PSMA8: variants seen among roughly 807,000 people sequenced by gnomAD.
The protein encoded by PSMA8 is proteasome subunit alpha-type 8.
In PSMA8, 18 loss-of-function variants were observed where a neutral mutation model predicts 32.4. The ratio of observed to expected loss-of-function variants is 0.56; its 90% confidence interval spans 0.38 to 0.82. The LOEUF is 0.82. PSMA8 is among the 40% of genes least tolerant of loss of function. PSMA8 has a pLI of 0.00. For missense variants in PSMA8, 298 were observed against 300.7 expected, an observed-to-expected ratio of 0.99 and a Z score of 0.07; for synonymous variants, 104 against 98.1, an observed-to-expected ratio of 1.06 and a Z score of -0.36.
intron 6 of PSMA8, among the ~76,000 whole-genome samples, chr18:26,179,641 C>A (rs2055293921): frequency 6.6e-6 from 1 of 152,118 alleles, no homozygotes; most frequent in Non-Finnish European, 1.5e-5. Context: ...TGATAGAGGA[C>A]CCACTGGCTA....
At chr18:26,144,906 GC>G (rs1396845512) in intron 2 of PSMA8, among the ~76,000 whole-genome samples, 1 of 152,106 alleles carries the variant, frequency 6.6e-6, no homozygotes, top group Non-Finnish European at 1.5e-5. Context: ...AATTTAGGTA[GC>G]TATTTTCTTT....
intron 1 of PSMA8, among the ~76,000 whole-genome samples, chr18:26,135,013 A>G (rs940352210): frequency 3.9e-5 from 6 of 152,120 alleles, no homozygotes; most frequent in African/African-American, 1.2e-4. Flanking sequence ...GTAGAGGCTC[A>G]AAAGTCCAAG....
At chr18:26,190,123 A>C (rs1320934413) in intron 6 of PSMA8, among the ~76,000 whole-genome samples, 1 of 152,210 alleles carries the variant, frequency 6.6e-6, no homozygotes, top group Non-Finnish European at 1.5e-5. Context: ...TACAGAGTAG[A>C]AGGATGGTTA....
chr18:26,145,455 A>C (rs1479453197), intron 2 of PSMA8, among the ~76,000 whole-genome samples: 1 of 152,106 alleles, frequency 6.6e-6, no homozygotes, highest in Non-Finnish European at 1.5e-5. Context: ...ACATATGTAG[A>C]TTCATGTAGT....
chr18:26,143,491 TA>T (rs754516961), intron 1 of PSMA8, among the ~76,000 whole-genome samples: 62 of 152,182 alleles, frequency 4.1e-4, no homozygotes, highest in Non-Finnish European at 7.6e-4. Context: ...TATTATAAAA[TA>T]AAAATTTATA....
chr18:26,151,736 C>A, intron 2 of PSMA8, 122 bp from the exon 3 acceptor site: 3 of 777,992 alleles, frequency 3.9e-6, no homozygotes, highest in East Asian at 2.8e-5. Flanking sequence ...TTAAAATGAG[C>A]ATGTATTGAG....
rs1555662071 is a variant in PSMA8, at chr18:26,163,213, G to GTATGTA, written c.477+4972_477+4973insGTATAT. ...AGGTGGTGTGTGTTTATGTGTGTGT[G>GTATGTA]TATATATATATATATATATATATAT... On this transcript the variant is annotated intron_variant, in intron 4 of 6. Coordinates refer to ENST00000415576, the MANE Select transcript of PSMA8 (RefSeq NM_001025096.2). Among the ~76,000 whole-genome samples, 98 of 80,884 alleles carry GTATGTA rather than the reference G, an allele frequency of 1.2e-3. 4 individuals carry two copies. Among genetic ancestry groups the GTATGTA allele is most frequent in the African/African-American group, 4.5e-3 (88 of 19,368 alleles). The allele number at this position is 80,884 out of a possible 152,430, so 53.1% of individuals were successfully genotyped here.
chr18:26,147,875 A>G (rs966336607), intron 2 of PSMA8, among the ~76,000 whole-genome samples: 1 of 152,192 alleles, frequency 6.6e-6, no homozygotes, highest in African/African-American at 2.4e-5. Context: ...AGAAGGGGAC[A>G]TTAGTGCCAG....
intron 1 of PSMA8, among the ~76,000 whole-genome samples, chr18:26,142,136 T>A (rs915796483): frequency 6.7e-6 from 1 of 148,772 alleles, no homozygotes; most frequent in Non-Finnish European, 1.5e-5. Context: ...TCCTCCCAGG[T>A]TCACGCCATT....
chr18:26,182,233 T>C (rs1255668652), intron 6 of PSMA8, among the ~76,000 whole-genome samples: 1 of 152,240 alleles, frequency 6.6e-6, no homozygotes, highest in East Asian at 1.9e-4. Flanking sequence ...GACATTTATC[T>C]TCAGTGAAGG....
intron 6 of PSMA8, among the ~76,000 whole-genome samples, chr18:26,183,252 C>T (rs1211906450): frequency 2.7e-5 from 4 of 146,374 alleles, no homozygotes; most frequent in Non-Finnish European, 3.0e-5. Context: ...ATTAGCTGGG[C>T]GTGGTGGTGG....
In PSMA8 at chr18:26,192,904, TTTG is replaced by T. The variant is rs1241609097; in HGVS notation, c.*496_*498del. On this transcript the variant is annotated 3_prime_UTR_variant, in exon 7 of 7. Transcript: ENST00000415576. ...CAGAGCCTTCTTCATTTTACAATAT[TTTG>T]TTATTTTTATTTTACCTTTTTCATT... The T allele has an allele frequency of 6.6e-6, 1 of 152,298 alleles. No homozygotes were observed. Among genetic ancestry groups the T allele is most frequent in the African/African-American group, 2.4e-5 (1 of 41,586 alleles). 9.4% of individuals were successfully genotyped at this position (152,298 alleles called of 1,614,324 possible).
rs2054891597 is a variant in PSMA8 at position 26,134,340 on chromosome 18, G to GTGT, written c.102+273_102+274insTGT. 3.2e-3 allele frequency among the ~76,000 whole-genome samples: 439 copies of GTGT among 135,192 alleles called. 1 individual carries two copies. The highest frequency in any genetic ancestry group is 0.014 in the African/African-American group (425 of 30,150). The allele number at this position is 135,192 out of a possible 152,430, so 88.7% of individuals were successfully genotyped here. A position where few individuals can be genotyped will look rare whatever the true frequency, so the allele number is the denominator to read the frequency against. On this transcript the variant is annotated intron_variant, in intron 1 of 6. Transcript: ENST00000415576. ...GACGCAAAACTAGGGTGTGTGTGTG[G>GTGT]GTGTGTGTGTGTGTGTGTGTGTGTC...
chr18:26,179,224 G>T, intron 6 of PSMA8, 94 bp downstream of exon 6: 2 of 819,500 alleles, frequency 2.4e-6, no homozygotes. Context: ...CCGATATAAT[G>T]TTATCCTTCA....
At chr18:26,191,776 G>T (rs925691251) in intron 6 of PSMA8, among the ~76,000 whole-genome samples, 1 of 152,114 alleles carries the variant, frequency 6.6e-6, no homozygotes, top group East Asian at 1.9e-4. Flanking sequence ...TCTTATAGCC[G>T]CAAGCATGTA....
intron 4 of PSMA8, among the ~76,000 whole-genome samples, chr18:26,177,978 C>T (rs909722171): frequency 2.6e-5 from 4 of 152,168 alleles, no homozygotes; most frequent in South Asian, 2.1e-4. Context: ...CTTTGGGAGG[C>T]CAAGCTGGGA....
At chr18:26,150,464 A>G (rs1347036677) in intron 2 of PSMA8, among the ~76,000 whole-genome samples, 1 of 152,140 alleles carries the variant, frequency 6.6e-6, no homozygotes, top group Non-Finnish European at 1.5e-5. Flanking sequence ...CAGCCTCCCA[A>G]GTAGCTAGGA....
intron 1 of PSMA8, among the ~76,000 whole-genome samples, chr18:26,141,713 C>CTTTT (rs1011733993): frequency 2.2e-4 from 24 of 109,988 alleles, no homozygotes; most frequent in Admixed American, 2.9e-4. Context: ...TTTCTTTTTT[C>CTTTT]TTTTTTTTTT....
At chr18:26,137,448 A>G (rs896352089) in intron 1 of PSMA8, among the ~76,000 whole-genome samples, 1 of 150,818 alleles carries the variant, frequency 6.6e-6, no homozygotes, top group African/African-American at 2.5e-5. Context: ...ACAGAGTGAG[A>G]ATCTGTCTCA....
Sources: gnomAD v4.1 joint callset for allele counts (sites outside exome capture counted in the v4.1 genomes callset) on GRCh38, gnomAD v4.1.1 for gene constraint, MANE v1.5 for transcripts, NCBI Gene and HGNC (gene_info 2026-07-23, HGNC 2026-07-21) for gene names.